Variants in TBC1D4 observed in about 807,000 individuals in gnomAD.
TBC1D4 encodes the protein TBC (Tre-2, BUB2, CDC16) domain-containing protein.
In TBC1D4, 121 loss-of-function variants were observed where a neutral mutation model predicts 142.5. The observed-to-expected ratio is 0.85, with a 90% confidence interval of 0.73 to 0.99. The LOEUF (loss-of-function observed/expected upper bound fraction) is 0.99, where lower values mean the gene tolerates loss of function less well. TBC1D4 is among the 50% of genes least tolerant of loss of function. The pLI, the probability that TBC1D4 is intolerant of heterozygous loss-of-function variation, is 0.00. For synonymous variants in TBC1D4, 630 were observed against 628.2 expected, an observed-to-expected ratio of 1.00 and a Z score of -0.04; for missense variants, 1,475 against 1,606.6, an observed-to-expected ratio of 0.92 and a Z score of 1.40.
Position 75,362,071 on chromosome 13 carries a change from G to A in TBC1D4, c.1035C>T (p.His345=), listed in dbSNP as rs771662924. 18 of 1,614,010 alleles carry A rather than the reference G, an allele frequency of 1.1e-5. No homozygotes were observed. Among genetic ancestry groups the A allele is most frequent in the Admixed American group, 1.7e-5 (1 of 60,010 alleles). ...TCTTCTCCGAGTCCGAGGGCTGGAC[G>A]TGACTGGGTGCGCTCGCGTGTCTCC... is the stretch of plus-strand genomic sequence containing the variant. ...PRRRHASAPS[H]VQPSDSEKNR... is the part of the protein sequence containing the mutation. The change falls in exon 2 of 21, where the codon CAC becomes CAT. Residue 345 remains histidine, a synonymous_variant. Coordinates refer to ENST00000377636, the MANE Select transcript of TBC1D4 (RefSeq NM_014832.5). This position sits in a 1 kb window ranked among gnomAD's most constrained non-coding sequence, Gnocchi z 4.2.
intron 1 of TBC1D4, among the ~76,000 whole-genome samples, chr13:75,422,932 A>G (rs1232406274): frequency 6.6e-6 from 1 of 152,198 alleles, no homozygotes; most frequent in Non-Finnish European, 1.5e-5. Context: ...CCATCGGTTG[A>G]CCAATTATTT....
chr13:75,312,829 A>G lies in TBC1D4; in HGVS notation c.2292T>C (p.Ser764=). 1.2e-6 allele frequency: 2 copies of G among 1,614,200 alleles called. No individual in the cohort carries two copies. The highest frequency in any genetic ancestry group is 1.7e-6 in the Non-Finnish European group (2 of 1,180,042). ...SNESLSVGGT[S]VTPRRISWRQ... is the part of the protein sequence containing the mutation. ...GCCAGGAGATCCGGCGAGGAGTGAC[A>G]GAGGTTCCTCCCACACTTAGGGACT... The change falls in exon 13 of 21, where the codon TCT becomes TCC. Residue 764 remains serine (S), a synonymous_variant. Coordinates refer to ENST00000377636, the MANE Select transcript of TBC1D4 (RefSeq NM_014832.5).
chr13:75,427,378 T>A (rs1324979696), intron 1 of TBC1D4, among the ~76,000 whole-genome samples: 1 of 152,236 alleles, frequency 6.6e-6, no homozygotes, highest in Non-Finnish European at 1.5e-5. Flanking sequence ...ACAATATTAT[T>A]CAGATGGAAC....
At chr13:75,316,912 C>T (rs7982188) in intron 12 of TBC1D4, among the ~76,000 whole-genome samples, 4 of 152,148 alleles carry the variant, frequency 2.6e-5, no homozygotes, top group Non-Finnish European at 2.9e-5. Context: ...TAAAACAACA[C>T]GTGGTGTTTA....
chr13:75,312,622 C>T, intron 13 of TBC1D4, 116 bp downstream of exon 13: 1 of 1,379,928 alleles, frequency 7.2e-7, no homozygotes, highest in Non-Finnish European at 1.0e-6. Context: ...GTATCACATA[C>T]AGAAAGATAT....
chr13:75,319,880 A>G (rs1878608912), intron 12 of TBC1D4, 134 bp downstream of exon 12: 5 of 842,796 alleles, frequency 5.9e-6, no homozygotes, highest in East Asian at 2.8e-5. Context: ...TCCCTACTAT[A>G]TAGCCCTCAG....
At chr13:75,454,153 C>T (rs1048537407) in intron 1 of TBC1D4, among the ~76,000 whole-genome samples, 3 of 152,096 alleles carry the variant, frequency 2.0e-5, no homozygotes, top group Middle Eastern at 3.4e-3. Flanking sequence ...CCCTGGGAGC[C>T]TGGGACTACA....
rs1224134520 is a variant in TBC1D4, at chr13:75,336,999, A to G, written c.1653T>C (p.Ser551=). The part of the protein sequence containing the change: ...NSTIPENATS[S]GRFKLDILKN... ...TCAGAATGTCAAGTTTGAACCTTCC[A>G]CTGCTTGTTGCATTTTCTGGGATTG... Residue 551 remains serine, a synonymous_variant, in exon 8 of 21, where the codon AGT becomes AGC. Transcript: ENST00000377636. The G allele has an allele frequency of 6.2e-7, 1 of 1,613,486 alleles. No homozygotes were observed. Among genetic ancestry groups the G allele is most frequent in the Non-Finnish European group, 8.5e-7 (1 of 1,179,638 alleles).
chr13:75,344,238 T>C (rs909275778), intron 5 of TBC1D4, among the ~76,000 whole-genome samples: 10 of 152,246 alleles, frequency 6.6e-5, no homozygotes. Flanking sequence ...GTTTTTGTTT[T>C]GTTTCCTGTT....
chr13:75,474,740 G>A (rs993853209), intron 1 of TBC1D4, among the ~76,000 whole-genome samples: 1 of 150,984 alleles, frequency 6.6e-6, no homozygotes, highest in African/African-American at 2.4e-5. Flanking sequence ...AGGTTCAAGC[G>A]ATTCTCCTGC....
intron 1 of TBC1D4, among the ~76,000 whole-genome samples, chr13:75,432,170 A>G (rs1173075721): frequency 6.6e-6 from 1 of 152,192 alleles, no homozygotes; most frequent in African/African-American, 2.4e-5. Context: ...AAATCAAACT[A>G]GAGCCTTCCA....
At chr13:75,346,687 G>C (rs533029548) in intron 5 of TBC1D4, among the ~76,000 whole-genome samples, 1 of 152,016 alleles carries the variant, frequency 6.6e-6, no homozygotes, top group Non-Finnish European at 1.5e-5. Context: ...TGGATCAAAT[G>C]GTATTTCTGG....
chr13:75,441,282 G>C (rs751007647), intron 1 of TBC1D4, among the ~76,000 whole-genome samples: 1 of 151,928 alleles, frequency 6.6e-6, no homozygotes, highest in South Asian at 2.1e-4. Context: ...GGGGTACAAG[G>C]CATGATTAGT....
At chr13:75,394,379 C>T (rs1000760932) in intron 1 of TBC1D4, among the ~76,000 whole-genome samples, 19 of 152,210 alleles carry the variant, frequency 1.2e-4, no homozygotes, top group African/African-American at 3.9e-4. Context: ...TAGCCATAAC[C>T]GTTGTGAAGT....
At chr13:75,385,357 A>G (rs1884105077) in intron 1 of TBC1D4, among the ~76,000 whole-genome samples, 1 of 152,196 alleles carries the variant, frequency 6.6e-6, no homozygotes. Flanking sequence ...GAACTAACCA[A>G]TGAATAAGCA....
chr13:75,413,095 C>T (rs1178853940), intron 1 of TBC1D4, among the ~76,000 whole-genome samples: 5 of 152,062 alleles, frequency 3.3e-5, no homozygotes, highest in Admixed American at 2.6e-4. Flanking sequence ...ATGGTGCCAT[C>T]GGAGCACATA....
In TBC1D4 at chr13:75,334,921, C is replaced by A. The variant is rs1446275177; in HGVS notation, c.1731+2000G>T. On this transcript the variant is annotated intron_variant, in intron 8 of 20. Coordinates refer to ENST00000377636, the MANE Select transcript of TBC1D4 (RefSeq NM_014832.5). ...TATTAGTAATTTCTTCCTCCCTGGA[C>A]CCCACTATCCTTAAGACATTTACTT... Among the ~76,000 whole-genome samples, 6 of 152,098 alleles carry A rather than the reference C, an allele frequency of 3.9e-5. No homozygotes were observed. In the South Asian group the frequency reaches 6.2e-4, roughly 16 times the overall value.
chr13:75,294,606 G>A (rs1332772067), intron 18 of TBC1D4, among the ~76,000 whole-genome samples: 1 of 152,094 alleles, frequency 6.6e-6, no homozygotes, highest in East Asian at 1.9e-4. Context: ...GAAAATAAGA[G>A]CTCCATTACA....
At chr13:75,462,599 C>T (rs542758445) in intron 1 of TBC1D4, among the ~76,000 whole-genome samples, 2 of 151,934 alleles carry the variant, frequency 1.3e-5, no homozygotes, top group Non-Finnish European at 1.5e-5. Flanking sequence ...CCCCTGCCCC[C>T]CATCCCTACA....
Sources: gnomAD v4.1 joint callset for allele counts (sites outside exome capture counted in the v4.1 genomes callset) on GRCh38, gnomAD v4.1.1 for gene constraint, Gnocchi (gnomAD v3.1) non-coding constraint, MANE v1.5 for transcripts, NCBI Gene and HGNC (gene_info 2026-07-23, HGNC 2026-07-21) for gene names.